KANK4: variants seen among roughly 807,000 people sequenced by gnomAD.
KANK4 encodes KN motif and ankyrin repeat domains 4.
In KANK4, 50 loss-of-function variants were observed where a neutral mutation model predicts 80.8. The ratio of observed to expected loss-of-function variants is 0.62; its 90% CI spans 0.49 to 0.78. KANK4 has a LOEUF of 0.78. Ranked by LOEUF, KANK4 falls within the 30% of genes least tolerant of loss-of-function variation. KANK4 has a pLI of 0.00. For synonymous variants in KANK4, 465 were observed against 506.9 expected, an observed-to-expected ratio of 0.92 and a Z score of 1.11; for missense variants, 1,196 against 1,240.1, an observed-to-expected ratio of 0.96 and a Z score of 0.53.
intron 1 of KANK4, among the ~76,000 whole-genome samples, chr1:62,306,492 T>C (rs910407019): frequency 6.6e-6 from 1 of 152,204 alleles, no homozygotes; most frequent in Non-Finnish European, 1.5e-5. Context: ...CCAAACTAGA[T>C]CAATTTCCTC....
intron 1 of KANK4, among the ~76,000 whole-genome samples, chr1:62,289,080 C>CTGTTT (rs1209431396): frequency 7.2e-5 from 11 of 152,060 alleles, no homozygotes. Flanking sequence ...TGTTGTTGTT[C>CTGTTT]TGTTTTGTTT....
At chr1:62,247,388 C>T (rs1445328741) in intron 9 of KANK4, 84 bp downstream of exon 9, 20 of 1,233,062 alleles carry the variant, frequency 1.6e-5, no homozygotes, top group South Asian at 1.6e-4. Flanking sequence ...GATCCTCCCG[C>T]CTCAGCCTCC....
intron 2 of KANK4, among the ~76,000 whole-genome samples, chr1:62,276,783 T>A (rs12031276): frequency 0.38 from 55,386 of 143,964 alleles, 11,457 homozygotes; most frequent in African/African-American, 0.52. Flanking sequence ...ATCTCAAAAA[T>A]AAGACTATTG....
rs578009032 is a variant in KANK4, at chr1:62,257,244, C to A, written c.2540-4035G>T. 5.3e-5 allele frequency among the ~76,000 whole-genome samples: 8 copies of A among 152,222 alleles called. No homozygotes were observed. The South Asian group carries it at 1.7e-3, about 32-fold the overall frequency. On this transcript the variant is annotated intron_variant, in intron 7 of 9. Coordinates refer to ENST00000371153, the MANE Select transcript of KANK4 (RefSeq NM_181712.5). ...CTGGGATTACAGGCATGCGCCACCA[C>A]GCCCGGCTCATTTTTGTATTTTTAG... is the stretch of plus-strand genomic sequence containing the variant.
rs1414862454 is a variant in KANK4, at chr1:62,319,433, G to C, written c.-398C>G. 6.6e-6 allele frequency: 1 copy of C among 152,072 alleles called. No homozygotes were observed. The highest frequency in any genetic ancestry group is 1.5e-5 in the Non-Finnish European group (1 of 68,010). The allele number at this position is 152,072 out of a possible 1,614,324, so 9.4% of individuals were successfully genotyped here. A position where few individuals can be genotyped will look rare whatever the true frequency, so the allele number is the denominator to read the frequency against. On this transcript the variant is annotated 5_prime_UTR_variant, in exon 1 of 10. Transcript: ENST00000371153. ...CGCCCGAGTCCCCGCCTTCGCTAGG[G>C]GAGAAAAAAAAGACTCCTGACGCGG... is the stretch of plus-strand genomic sequence containing the variant.
At chr1:62,290,972 G>C (rs961558828) in intron 1 of KANK4, among the ~76,000 whole-genome samples, 1 of 151,860 alleles carries the variant, frequency 6.6e-6, no homozygotes, top group Non-Finnish European at 1.5e-5. Flanking sequence ...GAATGGTCTC[G>C]ATCTCTTGAC....
At chr1:62,294,693 A>G (rs1298228012) in intron 1 of KANK4, among the ~76,000 whole-genome samples, 1 of 152,188 alleles carries the variant, frequency 6.6e-6, no homozygotes, top group Non-Finnish European at 1.5e-5. Context: ...GAAAGCTGTT[A>G]TTATTTCACA....
chr1:62,295,435 G>C (rs904571405), intron 1 of KANK4, among the ~76,000 whole-genome samples: 6 of 152,208 alleles, frequency 3.9e-5, no homozygotes, highest in African/African-American at 1.4e-4. Context: ...TGGGATTACA[G>C]GGGTGAGCCA....
At position 62,273,684 on chromosome 1, in the gene KANK4, G is replaced by A; in HGVS notation, c.1420C>T (p.Leu474=). The change falls in exon 3 of 10, where the codon CTG becomes TTG. Residue 474 remains leucine, a synonymous_variant. Transcript: ENST00000371153. ...GNQSPAERVL[L]PQLSLPQGPE... Reference sequence around the variant, plus strand: ...CCCTGTGGCAGTGACAGCTGGGGCAGAAGCACACGTTCTGCTGGGCTCTGA... The same window carrying A: ...CCCTGTGGCAGTGACAGCTGGGGCAAAAGCACACGTTCTGCTGGGCTCTGA... 2 of 1,614,158 alleles carry A rather than the reference G, an allele frequency of 1.2e-6. No homozygotes were observed. Among genetic ancestry groups the A allele is most frequent in the Non-Finnish European group, 1.7e-6 (2 of 1,180,010 alleles).
At position 62,237,442 on chromosome 1, in the gene KANK4, C is replaced by CA. The variant is rs1671232831; in HGVS notation, c.*834_*835insT. On this transcript the variant is annotated 3_prime_UTR_variant, in exon 10 of 10. Coordinates refer to ENST00000371153, the MANE Select transcript of KANK4 (RefSeq NM_181712.5). The stretch of plus-strand genomic sequence containing the variant: ...ACAATAACCCATCCTCAGGAGGAAG[C>CA]TTTTTTTTGTTTCTTCCACAGACTC... 1 of 151,906 alleles carries CA rather than the reference C, an allele frequency of 6.6e-6. No individual in the cohort carries two copies. Among genetic ancestry groups the CA allele is most frequent in the Admixed American group, 6.6e-5 (1 of 15,238 alleles). The allele number at this position is 151,906 out of a possible 1,614,324, so 9.4% of individuals were successfully genotyped here.
chr1:62,315,852 C>T (rs948605496), intron 1 of KANK4, among the ~76,000 whole-genome samples: 36 of 152,210 alleles, frequency 2.4e-4, no homozygotes, highest in African/African-American at 8.2e-4. Flanking sequence ...GTAAAAGTTG[C>T]CTCTTCCCTT....
chr1:62,261,197 C>T (rs1214807305), intron 7 of KANK4, among the ~76,000 whole-genome samples: 1 of 145,908 alleles, frequency 6.9e-6, no homozygotes, highest in Non-Finnish European at 1.5e-5. Context: ...CTCTCTGTTG[C>T]CCAGGCTGGA....
At position 62,238,095 on chromosome 1, in the gene KANK4, G is replaced by A. The variant is rs1671247096; in HGVS notation, c.*182C>T. 1 of 537,642 alleles carries A rather than the reference G, an allele frequency of 1.9e-6. No homozygotes were observed. The highest frequency in any genetic ancestry group is 3.4e-6 in the Non-Finnish European group (1 of 294,796). 33.3% of individuals were successfully genotyped at this position (537,642 alleles called of 1,614,324 possible). ...CGTGTAGTTTTCAGGCTTGGCCTAA[G>A]GCAAAAACTACAAAGCATCCTAATG... On this transcript the variant is annotated 3_prime_UTR_variant, in exon 10 of 10. Transcript: ENST00000371153.
chr1:62,279,198 G>GCGCGCGCGCA (rs1282615199), intron 2 of KANK4, among the ~76,000 whole-genome samples: 255 of 146,264 alleles, frequency 1.7e-3, no homozygotes, highest in African/African-American at 6.0e-3. Flanking sequence ...GCTAGCGCGC[G>GCGCGCGCGCA]CACACACACA....
intron 6 of KANK4, among the ~76,000 whole-genome samples, chr1:62,263,602 A>AC (rs1185172854): frequency 6.6e-6 from 1 of 151,840 alleles, no homozygotes; most frequent in Non-Finnish European, 1.5e-5. Context: ...TTTAGCTCAC[A>AC]CCCCCCAGTA....
At chr1:62,248,539 G>GT (rs1330661113) in intron 8 of KANK4, among the ~76,000 whole-genome samples, 2 of 88,248 alleles carry the variant, frequency 2.3e-5, no homozygotes, top group African/African-American at 8.7e-5. Flanking sequence ...TACCTGGTTA[G>GT]TTTTTTTGTT....
rs376267940 is a variant in KANK4 at position 62,274,892 on chromosome 1, C to T, written c.212G>A (p.Arg71Gln). The change falls in exon 3 of 10, where the codon CGA (arginine) becomes CAA (glutamine). Residue 71 changes from arginine to glutamine, a missense_variant. This residue lies in a region of KANK4 where 1,154 missense variants were observed against 1,179.6 expected (regional missense o/e 0.98). Coordinates refer to ENST00000371153, the MANE Select transcript of KANK4 (RefSeq NM_181712.5). ...AKQAKFSTLP[R>Q]NFSLPDSGAR... The stretch of plus-strand genomic sequence containing the variant: ...CCCACTGTCAGGAAGGCTGAAGTTT[C>T]GGGGCAGAGTGCTAAATTTGGCCTG... 23 of 1,614,024 alleles carry T rather than the reference C, an allele frequency of 1.4e-5. No individual in the cohort carries two copies. The highest frequency in any genetic ancestry group is 1.6e-4 in the Middle Eastern group (1 of 6,084).
At chr1:62,316,799 C>T (rs1644545189) in intron 1 of KANK4, among the ~76,000 whole-genome samples, 1 of 152,156 alleles carries the variant, frequency 6.6e-6, no homozygotes, top group Admixed American at 6.5e-5. Flanking sequence ...CTTCTATGTG[C>T]CCTGCTCTGT....
intron 5 of KANK4, among the ~76,000 whole-genome samples, chr1:62,267,272 C>T (rs776139004): frequency 1.3e-5 from 2 of 151,574 alleles, no homozygotes; most frequent in South Asian, 2.1e-4. Context: ...TGAAGGACAC[C>T]GTAAGTACTA....
Sources: allele counts gnomAD v4.1 joint callset (sites outside exome capture counted in the v4.1 genomes callset), GRCh38; gene constraint gnomAD v4.1.1; regional missense constraint gnomAD v4.1.1; transcripts MANE v1.5; gene names NCBI Gene and HGNC (gene_info 2026-07-23, HGNC 2026-07-21).